The following ZNF268 variants were observed in gnomAD, a reference collection of about 807,000 sequenced individuals.
ZNF268 encodes zinc finger protein 3.
A neutral mutation model predicts 29.3 loss-of-function variants in ZNF268; 20 were observed. The observed-to-expected ratio is 0.68, with a 90% CI of 0.48 to 0.99. The LOEUF (loss-of-function observed/expected upper bound fraction) is 0.99. ZNF268 is among the 50% of genes least tolerant of loss of function. The pLI, the probability that ZNF268 is intolerant of heterozygous loss-of-function variation, is 0.00. For synonymous variants in ZNF268, 429 were observed against 376.9 expected, an observed-to-expected ratio of 1.14 and a Z score of -1.60; for missense variants, 1,240 against 1,121.6, an observed-to-expected ratio of 1.11 and a Z score of -1.51.
rs1223672116 is a variant in ZNF268, at chr12:133,205,144, TAAAAAAAAAAAAA to T, written c.*631_*643del. 4 of 42,270 alleles carry T rather than the reference TAAAAAAAAAAAAA, an allele frequency of 9.5e-5. No individual in the cohort carries two copies. Among genetic ancestry groups the T allele is most frequent in the Admixed American group, 3.6e-4 (1 of 2,772 alleles). 2.6% of individuals were successfully genotyped at this position (42,270 alleles called of 1,614,324 possible). ...TAACCTCACCTTAGAAGCTTCATTC[TAAAAAAAAAAAAA>T]AAAAAAAAAAAAAAAACCAACCTGT... is the stretch of plus-strand genomic sequence containing the variant. On this transcript the variant is annotated 3_prime_UTR_variant, in exon 6 of 6. Transcript: ENST00000536435.
rs1475025898 is a variant in ZNF268, at chr12:133,213,501, T to G, written c.*8971T>G. The G allele has an allele frequency of 6.9e-6, 1 of 145,398 alleles. No homozygotes were observed. The highest frequency in any genetic ancestry group is 1.5e-5 in the Non-Finnish European group (1 of 66,798). The allele number at this position is 145,398 out of a possible 1,614,324, so 9.0% of individuals were successfully genotyped here. On this transcript the variant is annotated 3_prime_UTR_variant, in exon 6 of 6. Transcript: ENST00000536435. ...GAGTGCGAGACCAGCCTGGTTAACT[T>G]GGTGAAACCACGTCTCTACTAAAAA... is the stretch of plus-strand genomic sequence containing the variant.
chr12:133,196,306 G>C (rs1956596101), intron 5 of ZNF268, among the ~76,000 whole-genome samples: 1 of 136,220 alleles, frequency 7.3e-6, no homozygotes, highest in South Asian at 2.4e-4. Context: ...TGGCGACAGA[G>C]TGAGACTCCA....
At chr12:133,185,022 A>G (rs1434227264) in intron 2 of ZNF268, among the ~76,000 whole-genome samples, 2 of 151,902 alleles carry the variant, frequency 1.3e-5, no homozygotes, top group Non-Finnish European at 2.9e-5. Context: ...CGTCTCTACT[A>G]AAAATATGAA....
In ZNF268 at chr12:133,210,906, T is replaced by C. The variant is rs1413997894; in HGVS notation, c.*6376T>C. 1 of 456,012 alleles carries C rather than the reference T, an allele frequency of 2.2e-6. No individual in the cohort carries two copies. Among genetic ancestry groups the C allele is most frequent in the Non-Finnish European group, 4.4e-6 (1 of 226,770 alleles). 28.2% of individuals were successfully genotyped at this position (456,012 alleles called of 1,614,324 possible). The stretch of plus-strand genomic sequence containing the variant: ...CCCCTTCCTTACTACCTAGGCACAG[T>C]GTTGGATGGTCAGTGCTTCCTGTTT... On this transcript the variant is annotated 3_prime_UTR_variant, in exon 6 of 6. Coordinates refer to ENST00000536435, the MANE Select transcript of ZNF268 (RefSeq NM_003415.3).
At position 133,205,562 on chromosome 12, in the gene ZNF268, A is replaced by G. The variant is rs1482087688; in HGVS notation, c.*1032A>G. Reference sequence around the variant, plus strand: ...AGAGATTTCTACTCTGCATACCAACATTGTTTCTTTGTGTCTTACCAAATG... The same window carrying G: ...AGAGATTTCTACTCTGCATACCAACGTTGTTTCTTTGTGTCTTACCAAATG... On this transcript the variant is annotated 3_prime_UTR_variant, in exon 6 of 6. Transcript: ENST00000536435. 1 of 152,154 alleles carries G rather than the reference A, an allele frequency of 6.6e-6. No homozygotes were observed. Among genetic ancestry groups the G allele is most frequent in the Non-Finnish European group, 1.5e-5 (1 of 68,028 alleles). The allele number at this position is 152,154 out of a possible 1,614,324, so 9.4% of individuals were successfully genotyped here.
intron 2 of ZNF268, among the ~76,000 whole-genome samples, chr12:133,187,538 C>T (rs1325869317): frequency 1.3e-5 from 2 of 152,038 alleles, no homozygotes; most frequent in East Asian, 3.9e-4. Context: ...GGTATTCCTA[C>T]TGCCCTACCA....
rs1273612279 is a variant in ZNF268 at position 133,205,237 on chromosome 12, G to A, written c.*707G>A. The A allele has an allele frequency of 1.5e-5, 2 of 137,056 alleles. No individual in the cohort carries two copies. The highest frequency in any genetic ancestry group is 5.5e-5 in the African/African-American group (2 of 36,558). The allele number at this position is 137,056 out of a possible 1,614,324, so 8.5% of individuals were successfully genotyped here. ...TTATTTCTTTTAGGAATCATTTTAA[G>A]AAATTTTATTCCAGGTGTTCCAAAA... On this transcript the variant is annotated 3_prime_UTR_variant, in exon 6 of 6. Coordinates refer to ENST00000536435, the MANE Select transcript of ZNF268 (RefSeq NM_003415.3).
At position 133,203,548 on chromosome 12, in the gene ZNF268, T is replaced by G. The variant is rs1462646841; in HGVS notation, c.1862T>G (p.Phe621Cys). The change falls in exon 6 of 6, where the codon TTT becomes TGT. Residue 621 changes from phenylalanine to cysteine, a missense_variant. Coordinates refer to ENST00000536435, the MANE Select transcript of ZNF268 (RefSeq NM_003415.3). ...PFECSECQKAFNTKSNLIVHQ... is the reference protein window; with the variant it reads ...PFECSECQKACNTKSNLIVHQ... ...GAATGTAGTGAGTGTCAGAAAGCCT[T>G]TAATACAAAGTCAAACCTGATTGTA... 1 of 1,554,158 alleles carries G rather than the reference T, an allele frequency of 6.4e-7. No homozygotes were observed. The highest frequency in any genetic ancestry group is 1.4e-5 in the African/African-American group (1 of 73,266).
At chr12:133,201,372 G>T (rs1283735340) in intron 5 of ZNF268, among the ~76,000 whole-genome samples, 2 of 151,832 alleles carry the variant, frequency 1.3e-5, no homozygotes, top group Non-Finnish European at 2.9e-5. Context: ...TATATCCTCT[G>T]TCATTTCTTT....
At position 133,207,527 on chromosome 12, in the gene ZNF268, G is replaced by C. The variant is rs999107610; in HGVS notation, c.*2997G>C. On this transcript the variant is annotated 3_prime_UTR_variant, in exon 6 of 6. Transcript: ENST00000536435. ...TGCCCACTTAAAAAGAGATATATGGGGCCAGGCACGGTGGCTCACACCTAT... is the reference window on the plus strand; with the variant it reads ...TGCCCACTTAAAAAGAGATATATGGCGCCAGGCACGGTGGCTCACACCTAT... 1.3e-5 allele frequency: 2 copies of C among 152,112 alleles called. No individual in the cohort carries two copies. The highest frequency in any genetic ancestry group is 2.9e-5 in the Non-Finnish European group (2 of 68,038). The allele number at this position is 152,112 out of a possible 1,614,324, so 9.4% of individuals were successfully genotyped here.
chr12:133,202,451 A>G lies in ZNF268; in HGVS notation c.765A>G (p.Gly255=), dbSNP rs200650482. ...GIKYCESIES[G]KTVNKKSQLM... is the part of the protein sequence containing the mutation. ...AATACTGTGAAAGTATTGAATCTGG[A>G]AAAACCGTCAATAAGAAATCGCAAC... The change falls in exon 6 of 6, where the codon GGA becomes GGG. Residue 255 remains glycine, a synonymous_variant. Transcript: ENST00000536435. 1.2e-6 allele frequency: 2 copies of G among 1,611,392 alleles called. No homozygotes were observed. Among genetic ancestry groups the G allele is most frequent in the Non-Finnish European group, 1.7e-6 (2 of 1,178,572 alleles).
chr12:133,186,892 A>G (rs1956332683), intron 2 of ZNF268, among the ~76,000 whole-genome samples: 1 of 152,134 alleles, frequency 6.6e-6, no homozygotes, highest in Non-Finnish European at 1.5e-5. Context: ...TTGCAATCCC[A>G]CTTCTTTTTT....
chr12:133,200,536 TA>T (rs1956728624), intron 5 of ZNF268, among the ~76,000 whole-genome samples: 1 of 152,202 alleles, frequency 6.6e-6, no homozygotes, highest in African/African-American at 2.4e-5. Flanking sequence ...TGTAGATGTC[TA>T]TTAGCTCTGC....
chr12:133,186,252 G>A (rs1297368823), intron 2 of ZNF268, among the ~76,000 whole-genome samples: 1 of 152,140 alleles, frequency 6.6e-6, no homozygotes, highest in African/African-American at 2.4e-5. Context: ...GATGTAGGTT[G>A]AGGATTTCTT....
At chr12:133,191,882 G>T in intron 4 of ZNF268, 26 bp from the exon 5 acceptor site, 1 of 1,606,856 alleles carries the variant, frequency 6.2e-7, no homozygotes, top group Non-Finnish European at 8.5e-7. Flanking sequence ...TTTGTTCCAG[G>T]TTGTCTGTGA....
intron 5 of ZNF268, among the ~76,000 whole-genome samples, chr12:133,201,236 G>A (rs61960706): frequency 0.18 from 27,670 of 151,844 alleles, 3,241 homozygotes; most frequent in Non-Finnish European, 0.26. Flanking sequence ...ATTATTAATT[G>A]TATTCCTTTT....
chr12:133,188,494 G>T (rs931656861), intron 3 of ZNF268, among the ~76,000 whole-genome samples: 8 of 152,094 alleles, frequency 5.3e-5, no homozygotes, highest in African/African-American at 1.9e-4. Flanking sequence ...ACTGTGCCTG[G>T]CCCATGGCCC....
At chr12:133,197,213 A>G (rs1956630238) in intron 5 of ZNF268, among the ~76,000 whole-genome samples, 1 of 110,740 alleles carries the variant, frequency 9.0e-6, no homozygotes, top group African/African-American at 3.5e-5. Flanking sequence ...ACAATCCCCA[A>G]AGTGTGATGT....
chr12:133,204,237 C>G lies in ZNF268; in HGVS notation c.2551C>G (p.Leu851Val). ...CEKSFSGKLRLLVHQRMHTRE... is the reference protein window; with the variant it reads ...CEKSFSGKLRVLVHQRMHTRE... ...GAAATCCTTCAGTGGGAAATTACGC[C>G]TTCTTGTACACCAGAGAATGCACAC... Residue 851 changes from leucine to valine, a missense_variant, in exon 6 of 6, where the codon CTT becomes GTT. By Grantham distance (32) the Leu-to-Val change is conservative. This residue lies in a region of ZNF268 where 1,177 missense variants were observed against 1,039.6 expected (regional missense o/e 1.13). Coordinates refer to ENST00000536435, the MANE Select transcript of ZNF268 (RefSeq NM_003415.3). The G allele has an allele frequency of 6.5e-7, 1 of 1,543,468 alleles. No homozygotes were observed. The highest frequency in any genetic ancestry group is 8.7e-7 in the Non-Finnish European group (1 of 1,148,672).
Sources: allele counts gnomAD v4.1 joint callset (sites outside exome capture counted in the v4.1 genomes callset), GRCh38; gene constraint gnomAD v4.1.1; regional missense constraint gnomAD v4.1.1; transcripts MANE v1.5; gene names NCBI Gene and HGNC (gene_info 2026-07-23, HGNC 2026-07-21).